The following ARID4A variants were observed in gnomAD, a reference collection of about 807,000 sequenced individuals.
The protein encoded by ARID4A is AT-rich interactive domain-containing protein 4A.
A neutral mutation model predicts 148.6 loss-of-function variants in ARID4A; 39 were observed. The ratio of observed to expected loss-of-function variants is 0.26; its 90% CI spans 0.20 to 0.34. ARID4A has a LOEUF of 0.34. Ranked by LOEUF, ARID4A falls within the 10% of genes least tolerant of loss-of-function variation. The pLI is 1.00. For missense variants in ARID4A, 1,265 were observed against 1,449.1 expected (o/e 0.87, Z 2.06); for synonymous variants, 475 against 481.2 (o/e 0.99, Z 0.17).
At chr14:58,342,650 C>T (rs1261678693) in intron 11 of ARID4A, among the ~76,000 whole-genome samples, 2 of 152,174 alleles carry the variant, frequency 1.3e-5, no homozygotes, top group African/African-American at 4.8e-5. Context: ...TAGTGGCTCA[C>T]ACCTGTAATC....
At chr14:58,348,818 A>C (rs1249156462) in intron 15 of ARID4A, among the ~76,000 whole-genome samples, 2 of 152,130 alleles carry the variant, frequency 1.3e-5, no homozygotes, top group Non-Finnish European at 2.9e-5. Context: ...GAAATTTCCA[A>C]ATTGTTTTTT....
chr14:58,368,351 T>A (rs913539942), intron 23 of ARID4A, among the ~76,000 whole-genome samples: 1 of 152,192 alleles, frequency 6.6e-6, no homozygotes, highest in Non-Finnish European at 1.5e-5. Context: ...AAAAATTACC[T>A]ACTATTTGGA....
At chr14:58,366,777 A>T (rs2035376048) in intron 22 of ARID4A, 106 bp from the exon 23 acceptor site, 2 of 885,958 alleles carry the variant, frequency 2.3e-6, no homozygotes, top group Admixed American at 6.0e-5. Flanking sequence ...GATTTTAATA[A>T]ACTAAAGCTT....
intron 18 of ARID4A, 70 bp from the exon 19 acceptor site, chr14:58,360,831 T>C (rs1447841622): frequency 7.4e-6 from 11 of 1,489,384 alleles, no homozygotes; most frequent in Non-Finnish European, 1.0e-5. Context: ...GTAGTTTTCT[T>C]TGGATAAGTA....
Position 58,372,189 on chromosome 14 carries a change from T to G in ARID4A, c.*200T>G. 2.1e-6 allele frequency: 1 copy of G among 474,490 alleles called. No individual in the cohort carries two copies. The highest frequency in any genetic ancestry group is 3.4e-5 in the South Asian group (1 of 29,634). The allele number at this position is 474,490 out of a possible 1,614,324, so 29.4% of individuals were successfully genotyped here. A position where few individuals can be genotyped will look rare whatever the true frequency, so the allele number is the denominator to read the frequency against. On this transcript the variant is annotated 3_prime_UTR_variant, in exon 24 of 24. Transcript: ENST00000355431. ...AATAAGCTGATTAATAAGTGAAGGT[T>G]AAGCAGCCTGCCATATTTGTCATAA...
At chr14:58,369,020 CT>C (rs1361107450) in intron 23 of ARID4A, among the ~76,000 whole-genome samples, 11 of 151,864 alleles carry the variant, frequency 7.2e-5, no homozygotes, top group African/African-American at 2.7e-4. Flanking sequence ...AGAAGGATAT[CT>C]TTAAAATATG....
At position 58,362,457 on chromosome 14, in the gene ARID4A, G is replaced by A. The variant is rs185064836; in HGVS notation, c.2080+1415G>A. Among the ~76,000 whole-genome samples, 432 of 151,956 alleles carry A rather than the reference G, an allele frequency of 2.8e-3. 2 individuals are homozygous for A. The highest frequency in any genetic ancestry group is 3.4e-3 in the Non-Finnish European group (228 of 67,930). Reference sequence around the variant, plus strand: ...ATTTAAAAATTAGCCAGGCATGGTGGTGTGCACCTGTGGTCCCAGCTACTC... The same window carrying A: ...ATTTAAAAATTAGCCAGGCATGGTGATGTGCACCTGTGGTCCCAGCTACTC... On this transcript the variant is annotated intron_variant, in intron 19 of 23. Coordinates refer to ENST00000355431, the MANE Select transcript of ARID4A (RefSeq NM_002892.4).
intron 12 of ARID4A, 89 bp downstream of exon 12, chr14:58,344,856 T>A (rs1317869592): frequency 1.1e-6 from 1 of 951,098 alleles, no homozygotes; most frequent in East Asian, 2.6e-5. Flanking sequence ...GTATTGCAGA[T>A]AAACAGTTTT....
In ARID4A at chr14:58,372,089, C is replaced by T; in HGVS notation, c.*100C>T. On this transcript the variant is annotated 3_prime_UTR_variant, in exon 24 of 24. Transcript: ENST00000355431. ...AAAGCACTCAACTGGTTTGACATTG[C>T]TAAGTATATCCTGTATACTTTTCCA... 1 of 805,906 alleles carries T rather than the reference C, an allele frequency of 1.2e-6. No individual in the cohort carries two copies. Among genetic ancestry groups the T allele is most frequent in the Non-Finnish European group, 2.1e-6 (1 of 474,712 alleles). The allele number at this position is 805,906 out of a possible 1,614,324, so 49.9% of individuals were successfully genotyped here.
chr14:58,309,424 A>C (rs993176876), intron 5 of ARID4A, among the ~76,000 whole-genome samples: 1 of 152,214 alleles, frequency 6.6e-6, no homozygotes, highest in Non-Finnish European at 1.5e-5. Flanking sequence ...CATTAAAGAT[A>C]AGGAATCTGT....
chr14:58,336,761 T>C (rs943867989), intron 11 of ARID4A, among the ~76,000 whole-genome samples: 3 of 152,162 alleles, frequency 2.0e-5, no homozygotes, highest in East Asian at 1.9e-4. Context: ...TATGAAAATA[T>C]GTATATAAAT....
chr14:58,338,264 AT>A (rs2033929278), intron 11 of ARID4A, among the ~76,000 whole-genome samples: 1 of 152,188 alleles, frequency 6.6e-6, no homozygotes, highest in South Asian at 2.1e-4. Context: ...TGTTCTATGC[AT>A]TTACCTTAGT....
Position 58,373,662 on chromosome 14 carries a change from C to T in ARID4A, c.*1673C>T, listed in dbSNP as rs1364904098. ...ACTTTTCTGTCTTTTCTTTGCAAAG[C>T]AGAAGTATCTCAATGTAAAATAAAA... On this transcript the variant is annotated 3_prime_UTR_variant, in exon 24 of 24. Coordinates refer to ENST00000355431, the MANE Select transcript of ARID4A (RefSeq NM_002892.4). 1 of 175,076 alleles carries T rather than the reference C, an allele frequency of 5.7e-6. No individual in the cohort carries two copies. The highest frequency in any genetic ancestry group is 6.4e-5 in the Admixed American group (1 of 15,744). 10.8% of individuals were successfully genotyped at this position (175,076 alleles called of 1,614,324 possible). A position where few individuals can be genotyped will look rare whatever the true frequency, so the allele number is the denominator to read the frequency against.
intron 15 of ARID4A, among the ~76,000 whole-genome samples, chr14:58,348,193 C>T (rs1340424444): frequency 6.6e-6 from 1 of 152,116 alleles, no homozygotes; most frequent in Non-Finnish European, 1.5e-5. Flanking sequence ...GAAATTGTAA[C>T]CTGCCTCCTC....
At chr14:58,330,261 C>T (rs927862680) in intron 11 of ARID4A, 92 bp downstream of exon 11, 13 of 1,484,588 alleles carry the variant, frequency 8.8e-6, no homozygotes, top group African/African-American at 1.4e-5. Flanking sequence ...TTTAGATTCT[C>T]TATTATTTGT....
chr14:58,301,783 T>C, intron 3 of ARID4A, 93 bp downstream of exon 3: 1 of 852,870 alleles, frequency 1.2e-6, no homozygotes, highest in Non-Finnish European at 1.8e-6. Context: ...ATTGAGTCAT[T>C]ATATGAAAAC....
At chr14:58,368,877 C>T (rs2035477181) in intron 23 of ARID4A, among the ~76,000 whole-genome samples, 1 of 152,032 alleles carries the variant, frequency 6.6e-6, no homozygotes, top group Admixed American at 6.6e-5. Context: ...CTTGTGGCAC[C>T]ACGTTGGTGC....
chr14:58,354,005 C>A, intron 17 of ARID4A, 150 bp downstream of exon 17: 1 of 689,472 alleles, frequency 1.5e-6, no homozygotes, highest in Non-Finnish European at 2.4e-6. Flanking sequence ...GACATTCCTG[C>A]TGTTATACTA....
rs561177236 is a variant in ARID4A at position 58,366,058 on chromosome 14, A to C, written c.3351A>C (p.Leu1117=). 2 of 1,613,738 alleles carry C rather than the reference A, an allele frequency of 1.2e-6. No homozygotes were observed. Among genetic ancestry groups the C allele is most frequent in the East Asian group, 2.2e-5 (1 of 44,830 alleles). ...QSSDSEDLPV[L]DNSSKCTPVK... ...GTGATAGTGAAGATCTTCCTGTCCT[A>C]GACAATTCAAGTAAATGTACCCCAG... Residue 1117 remains leucine (L), a synonymous_variant, in exon 22 of 24, where the codon CTA becomes CTC. Transcript: ENST00000355431.
Sources: allele counts gnomAD v4.1 joint callset (sites outside exome capture counted in the v4.1 genomes callset), GRCh38; gene constraint gnomAD v4.1.1; transcripts MANE v1.5; gene names NCBI Gene and HGNC (gene_info 2026-07-23, HGNC 2026-07-21).